GULP1: variants seen among roughly 807,000 people sequenced by gnomAD.
The protein encoded by GULP1 is GULP PTB domain containing engulfment adaptor 1.
In GULP1, 19 loss-of-function variants were observed where a neutral mutation model predicts 40.9. The ratio of observed to expected loss-of-function variants is 0.46; its 90% CI spans 0.32 to 0.68. The LOEUF (loss-of-function observed/expected upper bound fraction) is 0.68, where lower values mean the gene tolerates loss of function less well. GULP1 is among the 30% of genes least tolerant of loss of function. GULP1 has a pLI of 0.03. For missense variants in GULP1, 312 were observed against 362.2 expected (o/e 0.86, Z 1.12); for synonymous variants, 119 against 117.6 (o/e 1.01, Z -0.08).
intron 2 of GULP1, among the ~76,000 whole-genome samples, chr2:188,417,272 C>T (rs966644714): frequency 2.0e-5 from 3 of 152,102 alleles, no homozygotes; most frequent in African/African-American, 7.2e-5. Flanking sequence ...AAGCATGGCT[C>T]ATTGGATTAT....
chr2:188,530,115 T>A lies in GULP1; in HGVS notation c.261+920T>A, dbSNP rs577346325. Among the ~76,000 whole-genome samples the A allele has an allele frequency of 3.9e-5, 6 of 152,274 alleles. No individual in the cohort carries two copies. The South Asian group carries it at 1.0e-3, about 26-fold the overall frequency. On this transcript the variant is annotated intron_variant, in intron 6 of 11. Coordinates refer to ENST00000409830, the MANE Select transcript of GULP1 (RefSeq NM_016315.4). Reference sequence around the variant, plus strand: ...TGTAATTGGCTGAAACTTAGCTATGTGTTATACTTCCAAATTAGTGTTCAG... The same window carrying A: ...TGTAATTGGCTGAAACTTAGCTATGAGTTATACTTCCAAATTAGTGTTCAG...
chr2:188,363,385 A>T (rs1404560426), intron 1 of GULP1, among the ~76,000 whole-genome samples: 2 of 152,134 alleles, frequency 1.3e-5, no homozygotes, highest in Admixed American at 6.6e-5. Flanking sequence ...ATCAAGAATT[A>T]ATTGACTAGA....
chr2:188,475,953 A>C (rs745731179), intron 2 of GULP1, among the ~76,000 whole-genome samples: 7 of 152,156 alleles, frequency 4.6e-5, no homozygotes, highest in Non-Finnish European at 8.8e-5. Flanking sequence ...TGTGTGGGAG[A>C]TAAACAGCCA....
chr2:188,373,824 AAG>A (rs1281069843), intron 1 of GULP1, among the ~76,000 whole-genome samples: 1 of 152,006 alleles, frequency 6.6e-6, no homozygotes, highest in Non-Finnish European at 1.5e-5. Flanking sequence ...ATTTGGAATG[AAG>A]AGAGATCATT....
chr2:188,414,349 G>A (rs910763515), intron 2 of GULP1, among the ~76,000 whole-genome samples: 1 of 151,834 alleles, frequency 6.6e-6, no homozygotes, highest in African/African-American at 2.4e-5. Context: ...TATTCTTTGC[G>A]AAGAAGCTAC....
intron 11 of GULP1, chr2:188,591,604 T>G (rs1164250968): frequency 6.6e-6 from 1 of 151,788 alleles, no homozygotes; most frequent in Non-Finnish European, 1.5e-5. Flanking sequence ...CATAATAAAT[T>G]AGTTTTGTGG....
chr2:188,491,905 A>G (rs977385288), intron 4 of GULP1, among the ~76,000 whole-genome samples: 1 of 152,144 alleles, frequency 6.6e-6, no homozygotes, highest in Non-Finnish European at 1.5e-5. Flanking sequence ...ATTTAAGAAT[A>G]GTCTCCTGTT....
At chr2:188,536,878 T>C (rs912250531) in intron 6 of GULP1, among the ~76,000 whole-genome samples, 5 of 152,078 alleles carry the variant, frequency 3.3e-5, no homozygotes, top group African/African-American at 7.2e-5. Context: ...TTGTAGTTCT[T>C]CTTGCAGAAA....
intron 2 of GULP1, among the ~76,000 whole-genome samples, chr2:188,449,123 A>G (rs1482527440): frequency 1.3e-5 from 2 of 152,240 alleles, no homozygotes; most frequent in Non-Finnish European, 2.9e-5. Flanking sequence ...GGCACAGAAT[A>G]GGCACATAAT....
intron 1 of GULP1, among the ~76,000 whole-genome samples, chr2:188,380,636 T>A (rs1417223837): frequency 6.6e-6 from 1 of 152,150 alleles, no homozygotes; most frequent in Non-Finnish European, 1.5e-5. Flanking sequence ...AAGAAAGAAA[T>A]ATCCAGGAAA....
chr2:188,518,403 G>T (rs1260160369), intron 4 of GULP1, among the ~76,000 whole-genome samples: 1 of 151,872 alleles, frequency 6.6e-6, no homozygotes, highest in Non-Finnish European at 1.5e-5. Context: ...AATAAGCTGG[G>T]CTTTTGTACC....
At chr2:188,399,699 A>AC (rs1559194867) in intron 2 of GULP1, among the ~76,000 whole-genome samples, 17 of 148,294 alleles carry the variant, frequency 1.1e-4, no homozygotes, top group African/African-American at 4.2e-4. Context: ...AGAAAAAAAA[A>AC]AAAAAAAAAA....
intron 2 of GULP1, among the ~76,000 whole-genome samples, chr2:188,418,413 C>T (rs1393529635): frequency 6.6e-6 from 1 of 152,042 alleles, no homozygotes; most frequent in Non-Finnish European, 1.5e-5. Flanking sequence ...GGCCGGATCC[C>T]CTGAGGTCAG....
intron 2 of GULP1, among the ~76,000 whole-genome samples, chr2:188,461,174 A>G (rs1575408551): frequency 6.6e-6 from 1 of 152,194 alleles, no homozygotes; most frequent in African/African-American, 2.4e-5. Context: ...TGGCCTCATA[A>G]AATGAATTTG....
chr2:188,483,077 A>G (rs992344527), intron 3 of GULP1, among the ~76,000 whole-genome samples: 4 of 152,172 alleles, frequency 2.6e-5, no homozygotes, highest in East Asian at 3.9e-4. Context: ...AAAATAACCT[A>G]TAATTCATGA....
At position 188,514,040 on chromosome 2, in the gene GULP1, A is replaced by AGTGTGTGTGTGTGTGTGTGTGT. The variant is rs1164481151; in HGVS notation, c.91-8694_91-8673dup. The stretch of plus-strand genomic sequence containing the variant: ...GATCTGTCTAAATGGTCCCCTTCTG[A>AGTGTGTGTGTGTGTGTGTGTGT]GTGTGTGTGTGTGTGTGTGTGTGTG... On this transcript the variant is annotated intron_variant, in intron 4 of 11. Coordinates refer to ENST00000409830, the MANE Select transcript of GULP1 (RefSeq NM_016315.4). Among the ~76,000 whole-genome samples the AGTGTGTGTGTGTGTGTGTGTGT allele has an allele frequency of 5.2e-3, 642 of 123,042 alleles. 21 individuals are homozygous for AGTGTGTGTGTGTGTGTGTGTGT. The highest frequency in any genetic ancestry group is 8.5e-3 in the East Asian group (30 of 3,512). The allele number at this position is 123,042 out of a possible 152,430, so 80.7% of individuals were successfully genotyped here.
chr2:188,579,479 G>A (rs1174746544), intron 9 of GULP1, among the ~76,000 whole-genome samples: 10 of 151,902 alleles, frequency 6.6e-5, no homozygotes, highest in African/African-American at 2.2e-4. Context: ...TGTAATGATC[G>A]AGTCAGGGTA....
intron 1 of GULP1, among the ~76,000 whole-genome samples, chr2:188,362,303 T>C (rs1376187377): frequency 6.6e-6 from 1 of 152,114 alleles, no homozygotes; most frequent in Non-Finnish European, 1.5e-5. Flanking sequence ...ATTATAACAT[T>C]GTTTAAATAT....
At chr2:188,348,177 A>G (rs1014070763) in intron 1 of GULP1, among the ~76,000 whole-genome samples, 5 of 152,246 alleles carry the variant, frequency 3.3e-5, no homozygotes, top group African/African-American at 1.2e-4. Flanking sequence ...TTGATATAAT[A>G]GGAGATATAT....
Sources: allele counts gnomAD v4.1 joint callset (sites outside exome capture counted in the v4.1 genomes callset), GRCh38; gene constraint gnomAD v4.1.1; transcripts MANE v1.5; gene names NCBI Gene and HGNC (gene_info 2026-07-23, HGNC 2026-07-21).